Variants in SAMSN1 observed in about 807,000 individuals in gnomAD.
SAMSN1 encodes SAM domain-containing protein SAMSN-1.
Under a neutral mutation model 42.0 loss-of-function variants are expected in SAMSN1, and 31 were observed. That is an observed-to-expected ratio of 0.74 (90% CI 0.55 to 1.00). SAMSN1 has a LOEUF of 1.00. SAMSN1 is among the 50% of genes least tolerant of loss of function. SAMSN1 has a pLI of 0.00. For synonymous variants in SAMSN1, 178 were observed against 151.9 expected (o/e 1.17, Z -1.26); for missense variants, 464 against 439.4 (o/e 1.06, Z -0.50).
chr21:14,621,595 G>GGAGAGGCGCCCACCATTGCT (rs1555844605), intron 2 of SAMSN1, among the ~76,000 whole-genome samples: 6 of 151,562 alleles, frequency 4.0e-5, no homozygotes, highest in Non-Finnish European at 4.4e-5. Context: ...AGAGGCTGGG[G>GGAGAGGCGCCCACCATTGCT]GAGGCTTGAG....
intron 1 of SAMSN1, among the ~76,000 whole-genome samples, chr21:14,529,686 A>G (rs1167606651): frequency 1.3e-5 from 2 of 152,242 alleles, no homozygotes; most frequent in Non-Finnish European, 2.9e-5. Context: ...TCCTGTTCAA[A>G]TGAAAGATAC....
chr21:14,638,407 T>C (rs57369522), intron 2 of SAMSN1, among the ~76,000 whole-genome samples: 4,067 of 152,288 alleles, frequency 0.027, 174 homozygotes, highest in African/African-American at 0.09. Flanking sequence ...AAGTACTCAA[T>C]TGCCACCTGT....
At position 14,605,807 on chromosome 21, in the gene SAMSN1, GATTTATTTATTTATTT is replaced by G. The variant is rs567638495; in HGVS notation, c.322+3659_322+3674del. On this transcript the variant is annotated intron_variant, in intron 5 of 15. Transcript: ENST00000647101. ...ATCTCATTAAGCCATATGTAAAGAA[GATTTATTTATTTATTT>G]ATTTATTTATTTATTTATTTATTTA... 5.4e-3 allele frequency among the ~76,000 whole-genome samples: 773 copies of G among 144,048 alleles called. 8 individuals carry two copies. The highest frequency in any genetic ancestry group is 0.015 in the African/African-American group (573 of 38,786). The allele number at this position is 144,048 out of a possible 152,430, so 94.5% of individuals were successfully genotyped here.
intron 2 of SAMSN1, among the ~76,000 whole-genome samples, chr21:14,620,884 T>A (rs1240460247): frequency 6.6e-6 from 1 of 152,228 alleles, no homozygotes; most frequent in Non-Finnish European, 1.5e-5. Flanking sequence ...AACACACATA[T>A]AAATTCCTAT....
chr21:14,540,805 A>G (rs952030181), intron 1 of SAMSN1, among the ~76,000 whole-genome samples: 3 of 152,230 alleles, frequency 2.0e-5, no homozygotes, highest in Non-Finnish European at 2.9e-5. Context: ...AGGATTATAA[A>G]TCATGCTGCT....
At chr21:14,499,942 T>C (rs1987076214) in intron 6 of SAMSN1, among the ~76,000 whole-genome samples, 1 of 152,228 alleles carries the variant, frequency 6.6e-6, no homozygotes, top group Non-Finnish European at 1.5e-5. Context: ...GTAGTGTATG[T>C]ACACACTATT....
intron 2 of SAMSN1, among the ~76,000 whole-genome samples, chr21:14,580,841 T>G (rs1981683980): frequency 6.6e-6 from 1 of 152,098 alleles, no homozygotes; most frequent in African/African-American, 2.4e-5. Flanking sequence ...TGGTAGAGAG[T>G]AGGCTCCCTG....
intron 5 of SAMSN1, among the ~76,000 whole-genome samples, chr21:14,506,671 G>A (rs1252061076): frequency 1.3e-5 from 2 of 152,004 alleles, no homozygotes; most frequent in African/African-American, 4.8e-5. Flanking sequence ...GAGAAAGAAG[G>A]AACCCTCCCT....
At chr21:14,497,206 T>C (rs1474499810) in intron 7 of SAMSN1, among the ~76,000 whole-genome samples, 1 of 152,160 alleles carries the variant, frequency 6.6e-6, no homozygotes, top group Non-Finnish European at 1.5e-5. Context: ...CTCAAAGAAC[T>C]GGGGTAAGTA....
chr21:14,501,640 A>G (rs989897212), intron 5 of SAMSN1, among the ~76,000 whole-genome samples: 2 of 152,196 alleles, frequency 1.3e-5, no homozygotes, highest in African/African-American at 4.8e-5. Context: ...TATGGTATAA[A>G]ATAAACCCAT....
chr21:14,491,782 T>A (rs1986698522), intron 7 of SAMSN1, among the ~76,000 whole-genome samples: 1 of 152,194 alleles, frequency 6.6e-6, no homozygotes, highest in Non-Finnish European at 1.5e-5. Context: ...TCAATTTAAT[T>A]TTCAGCTGTT....
At chr21:14,555,378 C>T (rs1196644317) in intron 2 of SAMSN1, among the ~76,000 whole-genome samples, 1 of 152,184 alleles carries the variant, frequency 6.6e-6, no homozygotes, top group Non-Finnish European at 1.5e-5. Context: ...TACATTCCTT[C>T]ACATTTTTAT....
intron 3 of SAMSN1, among the ~76,000 whole-genome samples, chr21:14,514,224 C>T (rs1987809725): frequency 6.6e-6 from 1 of 152,188 alleles, no homozygotes; most frequent in South Asian, 2.1e-4. Flanking sequence ...TCCTTTTCCT[C>T]ATCCTTTTAC....
chr21:14,555,532 A>G (rs564043441), intron 2 of SAMSN1, among the ~76,000 whole-genome samples: 48 of 152,276 alleles, frequency 3.2e-4, no homozygotes, highest in African/African-American at 1.1e-3. Context: ...TCAGATTGGC[A>G]TAGGGACATG....
chr21:14,524,853 G>A (rs1978737307), intron 1 of SAMSN1, among the ~76,000 whole-genome samples: 1 of 152,108 alleles, frequency 6.6e-6, no homozygotes, highest in Admixed American at 6.5e-5. Flanking sequence ...ATGGAGAAAA[G>A]TGCAATATAT....
At chr21:14,491,081 G>T (rs1986665223) in intron 7 of SAMSN1, among the ~76,000 whole-genome samples, 1 of 152,124 alleles carries the variant, frequency 6.6e-6, no homozygotes, top group African/African-American at 2.4e-5. Flanking sequence ...GTTTAAAACT[G>T]TCACACATTA....
intron 6 of SAMSN1, among the ~76,000 whole-genome samples, chr21:14,499,741 G>A (rs1247973732): frequency 6.6e-6 from 1 of 152,040 alleles, no homozygotes; most frequent in Non-Finnish European, 1.5e-5. Flanking sequence ...CCCATTTGAG[G>A]TGCACCAAGA....
At chr21:14,583,389 A>G (rs763737848) in exon 1 of SAMSN1, 5 of 359,272 alleles carry the variant, frequency 1.4e-5, no homozygotes, top group South Asian at 4.9e-5. Flanking sequence ...GACAGTGGAC[A>G]CTGCTGAGCT....
intron 1 of SAMSN1, among the ~76,000 whole-genome samples, chr21:14,545,021 T>C (rs1214011522): frequency 2.6e-5 from 4 of 152,150 alleles, no homozygotes; most frequent in Non-Finnish European, 4.4e-5. Context: ...AAATGTTACT[T>C]TGAGTTTTTC....
Sources: gnomAD v4.1 joint callset for allele counts (sites outside exome capture counted in the v4.1 genomes callset) on GRCh38, gnomAD v4.1.1 for gene constraint, MANE v1.5 for transcripts, NCBI Gene and HGNC (gene_info 2026-07-23, HGNC 2026-07-21) for gene names.